The following LRMDA variants were observed in gnomAD, a reference collection of about 807,000 sequenced individuals.
LRMDA encodes the protein leucine-rich melanocyte differentiation-associated protein.
Under a neutral mutation model 29.8 loss-of-function variants are expected in LRMDA, and 18 were observed. The observed-to-expected ratio is 0.60, with a 90% CI of 0.42 to 0.90. The LOEUF is 0.90. Among genes scored for constraint, LRMDA ranks in the 40% least tolerant of loss-of-function variants. The probability of loss-of-function intolerance (pLI) is 0.00; values close to 1 mark genes in which losing one functional copy is unlikely to be tolerated. For synonymous variants in LRMDA, 125 were observed against 109.4 expected (o/e 1.14, Z -0.89); for missense variants, 273 against 273.9 (o/e 1.00, Z 0.02).
At chr10:76,244,884 G>C (rs138206513) in intron 5 of LRMDA, among the ~76,000 whole-genome samples, 1 of 152,172 alleles carries the variant, frequency 6.6e-6, no homozygotes, top group African/African-American at 2.4e-5. Context: ...TGAGAACGAT[G>C]AGAAAAAGAA....
intron 2 of LRMDA, among the ~76,000 whole-genome samples, chr10:75,652,992 TG>T (rs1397940276): frequency 2.0e-5 from 3 of 152,242 alleles, no homozygotes; most frequent in Non-Finnish European, 2.9e-5. Flanking sequence ...TCTCTCTGCT[TG>T]GGCAAGTTGC....
At chr10:75,907,934 T>C (rs1411457253) in intron 2 of LRMDA, among the ~76,000 whole-genome samples, 1 of 152,112 alleles carries the variant, frequency 6.6e-6, no homozygotes, top group Non-Finnish European at 1.5e-5. Flanking sequence ...AGCATGACTC[T>C]TGGGCAGGTG....
At chr10:75,961,518 A>G (rs183486930) in intron 2 of LRMDA, among the ~76,000 whole-genome samples, 200 of 152,350 alleles carry the variant, frequency 1.3e-3, no homozygotes, top group African/African-American at 4.4e-3. Context: ...TTGCCACATC[A>G]CTTTGGCAAG....
At chr10:75,647,337 G>A (rs1319007559) in intron 2 of LRMDA, among the ~76,000 whole-genome samples, 1 of 152,168 alleles carries the variant, frequency 6.6e-6, no homozygotes, top group Non-Finnish European at 1.5e-5. Flanking sequence ...GTGGTTTTCA[G>A]CCCCATGAAG....
At chr10:76,121,455 A>G (rs1849786981) in intron 5 of LRMDA, among the ~76,000 whole-genome samples, 1 of 152,170 alleles carries the variant, frequency 6.6e-6, no homozygotes, top group South Asian at 2.1e-4. Flanking sequence ...CAGTCAATCC[A>G]CAATTGTCTG....
chr10:75,440,430 C>T (rs916966883), intron 2 of LRMDA, among the ~76,000 whole-genome samples: 1 of 151,542 alleles, frequency 6.6e-6, no homozygotes, highest in African/African-American at 2.4e-5. Flanking sequence ...TGAGTTTGGG[C>T]AGGGATGAGG....
intron 2 of LRMDA, among the ~76,000 whole-genome samples, chr10:75,813,132 G>A (rs1843993347): frequency 6.6e-6 from 1 of 152,176 alleles, no homozygotes; most frequent in African/African-American, 2.4e-5. Flanking sequence ...CATGTTAGCA[G>A]GATAGGAATG....
At chr10:76,458,176 G>GCACC (rs1375468790) in intron 6 of LRMDA, among the ~76,000 whole-genome samples, 2 of 135,278 alleles carry the variant, frequency 1.5e-5, no homozygotes, top group East Asian at 4.2e-4. Flanking sequence ...GGCCTGTTTT[G>GCACC]TATATATTTG....
intron 2 of LRMDA, among the ~76,000 whole-genome samples, chr10:75,757,127 A>G (rs1448969706): frequency 1.3e-5 from 2 of 152,218 alleles, no homozygotes; most frequent in African/African-American, 4.8e-5. Context: ...AATTGGTTTC[A>G]AAGACAGAAA....
intron 2 of LRMDA, among the ~76,000 whole-genome samples, chr10:75,960,324 G>T (rs943564498): frequency 6.6e-6 from 1 of 152,120 alleles, no homozygotes; most frequent in Non-Finnish European, 1.5e-5. Flanking sequence ...TGATCATTGC[G>T]GCAAAGGAAG....
At chr10:75,749,921 T>C (rs1022437020) in intron 2 of LRMDA, among the ~76,000 whole-genome samples, 2 of 152,230 alleles carry the variant, frequency 1.3e-5, no homozygotes, top group African/African-American at 4.8e-5. Context: ...ACACACCACA[T>C]GTTTCAGAGA....
intron 2 of LRMDA, among the ~76,000 whole-genome samples, chr10:75,843,802 T>C (rs556786672): frequency 6.6e-6 from 1 of 152,196 alleles, no homozygotes; most frequent in East Asian, 1.9e-4. Context: ...AAAAGGTAAA[T>C]AGCAACACAA....
chr10:76,449,348 C>T (rs1842383536), intron 6 of LRMDA, among the ~76,000 whole-genome samples: 2 of 151,678 alleles, frequency 1.3e-5, no homozygotes, highest in South Asian at 4.1e-4. Context: ...AGTTATATGT[C>T]CTTTATATCT....
At chr10:76,447,746 G>A (rs1842367288) in intron 6 of LRMDA, among the ~76,000 whole-genome samples, 1 of 152,144 alleles carries the variant, frequency 6.6e-6, no homozygotes, top group Admixed American at 6.5e-5. Context: ...GAGACCCTAC[G>A]AGTTTTATGC....
intron 2 of LRMDA, among the ~76,000 whole-genome samples, chr10:75,672,865 C>A (rs867561341): frequency 2.6e-5 from 4 of 151,630 alleles, no homozygotes; most frequent in African/African-American, 9.7e-5. Context: ...AACCACTGCG[C>A]CCAACCCTTT....
intron 2 of LRMDA, among the ~76,000 whole-genome samples, chr10:75,990,772 T>C (rs772063606): frequency 6.6e-6 from 1 of 152,158 alleles, no homozygotes; most frequent in African/African-American, 2.4e-5. Context: ...AGTGTGTGTT[T>C]AGGAAATGCC....
rs139173536 is a variant in LRMDA at position 76,010,520 on chromosome 10, A to G, written c.132-25488A>G. Among the ~76,000 whole-genome samples the G allele has an allele frequency of 6.4e-3, 967 of 151,988 alleles. 5 individuals are homozygous for G. The highest frequency in any genetic ancestry group is 0.01 in the Non-Finnish European group (713 of 67,934). On this transcript the variant is annotated intron_variant, in intron 2 of 6. Coordinates refer to ENST00000611255, the MANE Select transcript of LRMDA (RefSeq NM_001305581.2). ...GTAGAGATGGGGTTTCACTGTGTTA[A>G]CCAGGATGGTCTCGATCTCCTGACC...
At chr10:75,576,610 C>T (rs892567215) in intron 2 of LRMDA, among the ~76,000 whole-genome samples, 1 of 152,212 alleles carries the variant, frequency 6.6e-6, no homozygotes, top group African/African-American at 2.4e-5. Flanking sequence ...AAAGACACTT[C>T]ATACAGGAGA....
Position 76,324,395 on chromosome 10 carries a change from A to T in LRMDA, c.517-6A>T. ...GCTTCATGTTGACTTTGCTTTTGTC[A>T]CACAGGCTTCTAGTGAGGACGTTGC... On this transcript the variant is annotated splice_region_variant and splice_polypyrimidine_tract_variant and intron_variant, in intron 5 of 6. Transcript: ENST00000611255. 2 of 1,614,018 alleles carry T rather than the reference A, an allele frequency of 1.2e-6. No individual in the cohort carries two copies. The highest frequency in any genetic ancestry group is 1.7e-6 in the Non-Finnish European group (2 of 1,179,934).
Sources: gnomAD v4.1 joint callset for allele counts (sites outside exome capture counted in the v4.1 genomes callset) on GRCh38, gnomAD v4.1.1 for gene constraint, MANE v1.5 for transcripts, NCBI Gene and HGNC (gene_info 2026-07-23, HGNC 2026-07-21) for gene names.